CPSF2: variants seen among roughly 807,000 people sequenced by gnomAD.
The protein encoded by CPSF2 is cleavage and polyadenylation specificity factor subunit 2.
CPSF2 carries 51 observed loss-of-function variants against 84.2 expected under a neutral mutation model. The ratio of observed to expected loss-of-function variants is 0.61; its 90% confidence interval spans 0.48 to 0.77. The LOEUF is 0.77. CPSF2 is among the 30% of genes least tolerant of loss of function. The pLI is 0.00. For synonymous variants in CPSF2, 286 were observed against 311.9 expected (o/e 0.92, Z 0.87); for missense variants, 641 against 929.4 (o/e 0.69, Z 4.03).
At chr14:92,155,686 T>G (rs1365529361) in intron 11 of CPSF2, among the ~76,000 whole-genome samples, 3 of 151,824 alleles carry the variant, frequency 2.0e-5, no homozygotes, top group Non-Finnish European at 4.4e-5. Flanking sequence ...CCCAACACTT[T>G]GGGAGGCCGA....
chr14:92,158,019 T>C, intron 13 of CPSF2, 135 bp downstream of exon 13: 1 of 644,188 alleles, frequency 1.6e-6, no homozygotes, highest in Non-Finnish European at 2.8e-6. Flanking sequence ...TCATAGGGTA[T>C]GGGGCTTAGA....
At chr14:92,154,587 A>T (rs1483729051) in intron 10 of CPSF2, 129 bp downstream of exon 10, 1 of 601,416 alleles carries the variant, frequency 1.7e-6, no homozygotes, top group Non-Finnish European at 2.9e-6. Flanking sequence ...GACATCTTTC[A>T]AATGTCTAGA....
chr14:92,148,356 G>C (rs1383728974), intron 9 of CPSF2, among the ~76,000 whole-genome samples: 1 of 152,142 alleles, frequency 6.6e-6, no homozygotes, highest in Non-Finnish European at 1.5e-5. Context: ...AATATTGCCA[G>C]TGTGTGTTAC....
At chr14:92,145,265 A>C (rs1229397011) in intron 9 of CPSF2, among the ~76,000 whole-genome samples, 1 of 152,034 alleles carries the variant, frequency 6.6e-6, no homozygotes, top group East Asian at 1.9e-4. Context: ...ACAGACTCTC[A>C]CTCTGTCACC....
chr14:92,164,258 A>G lies in CPSF2; in HGVS notation c.*2514A>G, dbSNP rs1043963351. On this transcript the variant is annotated 3_prime_UTR_variant, in exon 16 of 16. Transcript: ENST00000298875. ...AGAACAGACTAATATGAATACCAAT[A>G]CTGAAAAATTGTTTCTTGCCTCACC... 2.0e-5 allele frequency: 3 copies of G among 152,224 alleles called. No individual in the cohort carries two copies. The highest frequency in any genetic ancestry group is 4.4e-5 in the Non-Finnish European group (3 of 68,030). 9.4% of individuals were successfully genotyped at this position (152,224 alleles called of 1,614,324 possible).
intron 9 of CPSF2, among the ~76,000 whole-genome samples, chr14:92,146,010 T>G (rs2069138249): frequency 6.6e-6 from 1 of 152,218 alleles, no homozygotes; most frequent in Non-Finnish European, 1.5e-5. Context: ...CTGTCTTATC[T>G]CAGACAGCAC....
chr14:92,149,645 C>A (rs569974415), intron 9 of CPSF2, among the ~76,000 whole-genome samples: 7 of 151,890 alleles, frequency 4.6e-5, no homozygotes, highest in Non-Finnish European at 1.0e-4. Flanking sequence ...TTACTAAGTT[C>A]TTTCAGTAAA....
At chr14:92,158,668 A>C (rs567842905) in intron 13 of CPSF2, among the ~76,000 whole-genome samples, 1 of 152,134 alleles carries the variant, frequency 6.6e-6, no homozygotes, top group Non-Finnish European at 1.5e-5. Flanking sequence ...GGTCAGAGGG[A>C]CTCAGTTTTT....
chr14:92,136,405 C>T (rs747365326), intron 6 of CPSF2, among the ~76,000 whole-genome samples: 3 of 152,138 alleles, frequency 2.0e-5, no homozygotes, highest in South Asian at 2.1e-4. Context: ...GCAAACTGTT[C>T]GCATAAACGC....
chr14:92,142,002 T>G (rs531848196), intron 7 of CPSF2, among the ~76,000 whole-genome samples, 162 bp from the exon 8 acceptor site: 21 of 152,320 alleles, frequency 1.4e-4, no homozygotes, highest in Admixed American at 3.9e-4. Flanking sequence ...TCAAAAGCAG[T>G]TGTAATGACC....
intron 6 of CPSF2, among the ~76,000 whole-genome samples, 173 bp downstream of exon 6, chr14:92,135,669 A>G (rs2068989110): frequency 6.6e-6 from 1 of 152,238 alleles, no homozygotes; most frequent in South Asian, 2.1e-4. Context: ...GGGGGAAAGT[A>G]TGGTATAAGA....
intron 14 of CPSF2, among the ~76,000 whole-genome samples, chr14:92,160,547 G>A (rs2069358536): frequency 6.6e-6 from 1 of 152,216 alleles, no homozygotes; most frequent in Non-Finnish European, 1.5e-5. Flanking sequence ...AAAATTGGGA[G>A]GAGGAATAAG....
rs766856570 is a variant in CPSF2, at chr14:92,157,827, G to A, written c.1764G>A (p.Val588=). Reference sequence around the variant, plus strand: ...CCTTTGGTGGGAAAGATATTAAAGTGTACATGCCAAAGCTACATGAAACAG... The same window carrying A: ...CCTTTGGTGGGAAAGATATTAAAGTATACATGCCAAAGCTACATGAAACAG... ...CRAFGGKDIK[V]YMPKLHETVD... is the part of the protein sequence containing the mutation. Residue 588 remains valine (V), a synonymous_variant, in exon 13 of 16, where the codon GTG becomes GTA. Transcript: ENST00000298875. The surrounding 1 kb of genome is among the most constrained non-coding windows in gnomAD (Gnocchi z 4.0). 5 of 1,614,070 alleles carry A rather than the reference G, an allele frequency of 3.1e-6. No homozygotes were observed. The South Asian group carries it at 4.4e-5, about 14-fold the overall frequency.
At chr14:92,129,182 G>A (rs1463883440) in intron 2 of CPSF2, among the ~76,000 whole-genome samples, 2 of 152,156 alleles carry the variant, frequency 1.3e-5, no homozygotes, top group Non-Finnish European at 2.9e-5. Context: ...AAAACCTTGA[G>A]AAGGCCGTAA....
intron 1 of CPSF2, among the ~76,000 whole-genome samples, chr14:92,122,601 G>A (rs532641033): frequency 2.6e-5 from 4 of 152,316 alleles, no homozygotes; most frequent in South Asian, 4.1e-4. Flanking sequence ...TCGGTTGTTT[G>A]TACCACACTG....
intron 3 of CPSF2, among the ~76,000 whole-genome samples, chr14:92,133,654 C>T (rs540575528): frequency 4.1e-4 from 59 of 145,290 alleles, no homozygotes; most frequent in African/African-American, 1.3e-3. Flanking sequence ...TTATAGAGAA[C>T]GGTGTTTTGC....
chr14:92,156,794 C>A lies in CPSF2; in HGVS notation c.1595+163C>A, dbSNP rs2069296351. ...TGAAGAGACTTGTGAAGTATGGTGG[C>A]ATGATATTTTCTCTTCATTAATGGT... On this transcript the variant is annotated intron_variant, in intron 12 of 15. Transcript: ENST00000298875. Among the ~76,000 whole-genome samples, 3 of 152,074 alleles carry A rather than the reference C, an allele frequency of 2.0e-5. No homozygotes were observed. The South Asian group carries it at 6.2e-4, about 31-fold the overall frequency.
chr14:92,122,670 A>G (rs761190571), intron 1 of CPSF2, among the ~76,000 whole-genome samples: 2 of 151,894 alleles, frequency 1.3e-5, no homozygotes, highest in Non-Finnish European at 2.9e-5. Flanking sequence ...CGCTTCCACT[A>G]TCACTGCGAA....
At chr14:92,156,686 T>A (rs2069295132) in intron 12 of CPSF2, 55 bp downstream of exon 12, 2 of 1,303,760 alleles carry the variant, frequency 1.5e-6, no homozygotes, top group African/African-American at 3.0e-5. Context: ...TTTCAAGCAT[T>A]TGAATTATAT....
Sources: gnomAD v4.1 joint callset for allele counts (sites outside exome capture counted in the v4.1 genomes callset) on GRCh38, gnomAD v4.1.1 for gene constraint, Gnocchi (gnomAD v3.1) non-coding constraint, MANE v1.5 for transcripts, NCBI Gene and HGNC (gene_info 2026-07-23, HGNC 2026-07-21) for gene names.